The following ARSJ variants were observed in gnomAD, a reference collection of about 807,000 sequenced individuals.
The protein encoded by ARSJ is arylsulfatase J.
A neutral mutation model predicts 35.9 loss-of-function variants in ARSJ; 26 were observed. The ratio of observed to expected loss-of-function variants is 0.72; its 90% CI spans 0.53 to 1.00. The LOEUF (loss-of-function observed/expected upper bound fraction) is 1.00. Ranked by LOEUF, ARSJ falls within the 50% of genes least tolerant of loss-of-function variation. The pLI, the probability that ARSJ is intolerant of heterozygous loss-of-function variation, is 0.00. For missense variants in ARSJ, 667 were observed against 723.6 expected, an observed-to-expected ratio of 0.92 and a Z score of 0.90; for synonymous variants, 294 against 267.6, an observed-to-expected ratio of 1.10 and a Z score of -0.96.
chr4:113,938,967 T>C (rs1243169109), intron 1 of ARSJ, among the ~76,000 whole-genome samples: 1 of 151,792 alleles, frequency 6.6e-6, no homozygotes, highest in African/African-American at 2.4e-5. Flanking sequence ...AATGTGCAGG[T>C]TAGTTGCATA....
chr4:113,946,235 T>C (rs1725471647), intron 1 of ARSJ: 1 of 151,980 alleles, frequency 6.6e-6, no homozygotes, highest in Non-Finnish European at 1.5e-5. Context: ...CTGTCGACAC[T>C]AGGGGCTGTG....
chr4:113,926,241 C>T (rs1344736403), intron 1 of ARSJ, among the ~76,000 whole-genome samples: 5 of 151,748 alleles, frequency 3.3e-5, no homozygotes, highest in South Asian at 4.5e-4. Context: ...CGTGCTTCTT[C>T]GAAGTCCCTG....
intron 1 of ARSJ, among the ~76,000 whole-genome samples, chr4:113,976,055 A>G (rs1379883675): frequency 1.3e-5 from 2 of 152,178 alleles, no homozygotes; most frequent in African/African-American, 4.8e-5. Flanking sequence ...GATAATCAAT[A>G]TTGCCAGACT....
At chr4:113,975,795 A>G (rs1562381791) in intron 1 of ARSJ, among the ~76,000 whole-genome samples, 1 of 152,148 alleles carries the variant, frequency 6.6e-6, no homozygotes, top group Non-Finnish European at 1.5e-5. Flanking sequence ...GTCTTAATTT[A>G]TTTTTGATGA....
rs376897863 is a variant in ARSJ at position 113,978,390 on chromosome 4, G to A, written c.398+47C>T. 2.0e-6 allele frequency: 3 copies of A among 1,489,896 alleles called. No individual in the cohort carries two copies. The African/African-American group carries it at 4.2e-5, about 21-fold the overall frequency. The allele number at this position is 1,489,896 out of a possible 1,614,324, so 92.3% of individuals were successfully genotyped here. On this transcript the variant is annotated intron_variant, in intron 1 of 1. Coordinates refer to ENST00000315366, the MANE Select transcript of ARSJ (RefSeq NM_024590.4). ...ATTTGGAGCTGGATCTTCATTAAAT[G>A]CTTAAGATTTCTCCAAGGAATAAAT...
intron 1 of ARSJ, among the ~76,000 whole-genome samples, chr4:113,944,984 T>C (rs1236893447): frequency 6.6e-6 from 1 of 152,092 alleles, no homozygotes; most frequent in Non-Finnish European, 1.5e-5. Flanking sequence ...CCTTAATTAA[T>C]GACTTAAATA....
In ARSJ at chr4:113,902,229, A is replaced by C. The variant is rs2099667300; in HGVS notation, c.*45T>G. The C allele has an allele frequency of 6.2e-7, 1 of 1,601,412 alleles. No individual in the cohort carries two copies. The highest frequency in any genetic ancestry group is 8.5e-7 in the Non-Finnish European group (1 of 1,179,964). ...CTGGTTTACCTAGGAAACAGATGAA[A>C]GATAAGAACTGATTAAAGTTTAACC... On this transcript the variant is annotated 3_prime_UTR_variant, in exon 2 of 2. Coordinates refer to ENST00000315366, the MANE Select transcript of ARSJ (RefSeq NM_024590.4).
chr4:113,970,211 G>C (rs767712267), intron 1 of ARSJ, among the ~76,000 whole-genome samples: 2 of 152,154 alleles, frequency 1.3e-5, no homozygotes. Flanking sequence ...CTGGAGTAGA[G>C]TTTGAAGGTA....
chr4:113,927,622 G>C (rs1409193210), intron 1 of ARSJ, among the ~76,000 whole-genome samples: 1 of 152,194 alleles, frequency 6.6e-6, no homozygotes, highest in East Asian at 1.9e-4. Flanking sequence ...GTCAGTGGCT[G>C]CATACCAGGT....
At chr4:113,932,657 C>A (rs764930478) in intron 1 of ARSJ, among the ~76,000 whole-genome samples, 23 of 151,862 alleles carry the variant, frequency 1.5e-4, no homozygotes, top group Non-Finnish European at 2.1e-4. Flanking sequence ...TTTCTCCAAA[C>A]AAATGAAAAC....
chr4:113,906,432 T>C (rs563717184), intron 1 of ARSJ, among the ~76,000 whole-genome samples: 1 of 152,080 alleles, frequency 6.6e-6, no homozygotes, highest in South Asian at 2.1e-4. Context: ...TAAATAGGAG[T>C]TCAGAGCTAC....
intron 1 of ARSJ, among the ~76,000 whole-genome samples, chr4:113,933,133 C>T (rs145215696): frequency 7.1e-4 from 108 of 151,956 alleles, no homozygotes; most frequent in African/African-American, 2.1e-3. Flanking sequence ...TTGGTAGATG[C>T]GTACAGCCTG....
At chr4:113,955,596 C>G (rs1325770221) in intron 1 of ARSJ, among the ~76,000 whole-genome samples, 1 of 152,028 alleles carries the variant, frequency 6.6e-6, no homozygotes, top group Non-Finnish European at 1.5e-5. Flanking sequence ...TCAATAAATA[C>G]CATGCACATA....
At chr4:113,913,280 G>A (rs1242376696) in intron 1 of ARSJ, among the ~76,000 whole-genome samples, 1 of 152,100 alleles carries the variant, frequency 6.6e-6, no homozygotes, top group Non-Finnish European at 1.5e-5. Context: ...GGACACCAAA[G>A]CTTTTTCTAC....
intron 1 of ARSJ, among the ~76,000 whole-genome samples, chr4:113,962,187 G>A (rs955096137): frequency 2.6e-5 from 4 of 151,998 alleles, no homozygotes; most frequent in South Asian, 4.2e-4. Context: ...GGCCAGACAA[G>A]CATGCTTGCC....
intron 1 of ARSJ, among the ~76,000 whole-genome samples, chr4:113,945,470 G>A (rs901638110): frequency 1.3e-5 from 2 of 151,972 alleles, no homozygotes; most frequent in Non-Finnish European, 2.9e-5. Flanking sequence ...GCTAATTCCT[G>A]ACAATGACAC....
intron 1 of ARSJ, among the ~76,000 whole-genome samples, chr4:113,968,140 C>T (rs1594513268): frequency 6.6e-6 from 1 of 152,236 alleles, no homozygotes; most frequent in African/African-American, 2.4e-5. Flanking sequence ...ACTTAATCCT[C>T]ATAATAACCC....
intron 1 of ARSJ, among the ~76,000 whole-genome samples, chr4:113,914,287 A>G (rs1423283154): frequency 1.3e-5 from 2 of 152,080 alleles, no homozygotes; most frequent in African/African-American, 2.4e-5. Context: ...CCCTTTCAAT[A>G]TTTTGAAAAC....
intron 1 of ARSJ, among the ~76,000 whole-genome samples, chr4:113,904,507 C>G (rs1053128627): frequency 2.0e-4 from 31 of 151,632 alleles, no homozygotes; most frequent in Non-Finnish European, 4.1e-4. Context: ...TTTTTTGAGA[C>G]GGAGTCTCGC....
Sources: gnomAD v4.1 joint callset for allele counts (sites outside exome capture counted in the v4.1 genomes callset) on GRCh38, gnomAD v4.1.1 for gene constraint, MANE v1.5 for transcripts, NCBI Gene and HGNC (gene_info 2026-07-23, HGNC 2026-07-21) for gene names.